COPG2: variants seen among roughly 807,000 people sequenced by gnomAD.
COPG2 encodes coatomer subunit gamma-2.
COPG2 carries 37 observed loss-of-function variants against 46.3 expected under a neutral mutation model. The observed-to-expected ratio is 0.80, with a 90% CI of 0.61 to 1.05. The LOEUF is 1.05. Ranked by LOEUF, COPG2 falls within the 50% of genes least tolerant of loss-of-function variation. The pLI is 0.00. For synonymous variants in COPG2, 159 were observed against 129.7 expected, an observed-to-expected ratio of 1.23 and a Z score of -1.53; for missense variants, 427 against 387.8, an observed-to-expected ratio of 1.10 and a Z score of -0.85.
intron 3 of COPG2, among the ~76,000 whole-genome samples, chr7:130,663,646 T>C (rs977064504): frequency 6.6e-5 from 10 of 151,782 alleles, no homozygotes; most frequent in African/African-American, 2.4e-4. Flanking sequence ...TTAATGAGCA[T>C]GACAATTCAT....
intron 5 of COPG2, among the ~76,000 whole-genome samples, chr7:130,643,906 T>C (rs782688827): frequency 6.6e-6 from 1 of 152,044 alleles, no homozygotes; most frequent in Admixed American, 6.5e-5. Context: ...AAGTTGGAGG[T>C]TGCAGTGATC....
chr7:130,546,314 CAGCCAGCTTAATTACT>C (rs1360295741), intron 20 of COPG2, among the ~76,000 whole-genome samples: 1 of 152,176 alleles, frequency 6.6e-6, no homozygotes, highest in East Asian at 1.9e-4. Flanking sequence ...CTTAAGAGTA[CAGCCAGCTTAATTACT>C]GGCTAGTGGA....
At chr7:130,629,904 GTTTC>G (rs1230642513) in intron 5 of COPG2, among the ~76,000 whole-genome samples, 1 of 148,120 alleles carries the variant, frequency 6.8e-6, no homozygotes, top group Non-Finnish European at 1.5e-5. Context: ...CTAGCATTTT[GTTTC>G]TTTCTTTCCT....
At chr7:130,651,500 T>C (rs1554459079) in intron 5 of COPG2, among the ~76,000 whole-genome samples, 2 of 43,906 alleles carry the variant, frequency 4.6e-5, no homozygotes, top group African/African-American at 1.1e-4. Context: ...TTGTATTTTT[T>C]TTTTTTTTTT....
intron 11 of COPG2, among the ~76,000 whole-genome samples, chr7:130,562,045 T>C (rs1035730865): frequency 8.5e-5 from 13 of 152,184 alleles, no homozygotes; most frequent in Non-Finnish European, 1.6e-4. Context: ...TGAGGGATTG[T>C]AGACCTGTAT....
intron 20 of COPG2, among the ~76,000 whole-genome samples, chr7:130,528,923 T>C (rs1172390891): frequency 1.3e-5 from 2 of 151,530 alleles, no homozygotes; most frequent in African/African-American, 4.9e-5. Context: ...TGACAAAGCA[T>C]AGTGTGGGTA....
intron 23 of COPG2, 91 bp downstream of exon 23, chr7:130,507,183 T>C (rs1332053942): frequency 5.4e-6 from 4 of 742,862 alleles, no homozygotes; most frequent in East Asian, 2.5e-5. Context: ...AATGGGATGA[T>C]GGGACAACAG....
At chr7:130,564,039 T>G (rs1310566335) in intron 10 of COPG2, among the ~76,000 whole-genome samples, 2 of 151,970 alleles carry the variant, frequency 1.3e-5, no homozygotes, top group Non-Finnish European at 2.9e-5. Flanking sequence ...TAAATAAAAT[T>G]CTTTCAAAAG....
intron 20 of COPG2, among the ~76,000 whole-genome samples, chr7:130,543,695 G>A (rs1185196440): frequency 1.3e-5 from 2 of 152,150 alleles, no homozygotes; most frequent in African/African-American, 2.4e-5. Context: ...AAGACTGGGC[G>A]TTACCAATAG....
At chr7:130,608,137 G>T in intron 9 of COPG2, 1 of 386,320 alleles carries the variant, frequency 2.6e-6, no homozygotes. Flanking sequence ...TTTTTTGTTA[G>T]TTATAATATT....
intron 9 of COPG2, among the ~76,000 whole-genome samples, chr7:130,606,941 C>T (rs1191461187): frequency 6.6e-6 from 1 of 152,016 alleles, no homozygotes; most frequent in Non-Finnish European, 1.5e-5. Context: ...AACTATTTTC[C>T]ATTAAAGTCA....
chr7:130,566,474 C>T (rs1238493588), intron 9 of COPG2, among the ~76,000 whole-genome samples: 15 of 152,282 alleles, frequency 9.9e-5, no homozygotes, highest in East Asian at 1.9e-4. Flanking sequence ...AATACGAACC[C>T]GAAGGAATAT....
intron 1 of COPG2, 71 bp from the exon 2 acceptor site, chr7:130,667,605 A>C (rs1796114408): frequency 8.0e-7 from 1 of 1,257,126 alleles, no homozygotes; most frequent in African/African-American, 1.5e-5. Context: ...TTTCCAGAGA[A>C]GGGTACTGAA....
In COPG2 at chr7:130,506,694, G is replaced by A. The variant is rs782278489; in HGVS notation, c.2598C>T (p.Ile866=). ...TAAGCATTTATCCAACAGAAGCTAA[G>A]ATAACATCTACAGGTGTTCTCTCTT... ...RSKERTPVDV[I]LASVG is the part of the protein sequence containing the mutation. The change falls in exon 24 of 24, where the codon ATC becomes ATT. Residue 866 remains isoleucine (I), a synonymous_variant. Transcript: ENST00000425248. The A allele has an allele frequency of 2.3e-5, 18 of 779,856 alleles. No individual in the cohort carries two copies. In the South Asian group the frequency reaches 2.4e-4, roughly 10 times the overall value. 48.3% of individuals were successfully genotyped at this position (779,856 alleles called of 1,614,324 possible).
chr7:130,551,875 A>G (rs1295420615), intron 15 of COPG2, among the ~76,000 whole-genome samples: 5 of 152,252 alleles, frequency 3.3e-5, no homozygotes, highest in Non-Finnish European at 7.3e-5. Context: ...AAGACAATGA[A>G]AAACTATTAT....
chr7:130,574,453 T>G (rs1322992757), intron 9 of COPG2, among the ~76,000 whole-genome samples: 1 of 152,084 alleles, frequency 6.6e-6, no homozygotes, highest in Non-Finnish European at 1.5e-5. Flanking sequence ...CAACAATCAC[T>G]GCAGTTTGGC....
intron 9 of COPG2, among the ~76,000 whole-genome samples, chr7:130,586,172 C>T (rs1554447951): frequency 6.6e-6 from 1 of 152,018 alleles, no homozygotes. Context: ...TCACAACAAC[C>T]TGGATGAGAT....
At chr7:130,511,673 G>C (rs1554441029) in intron 20 of COPG2, 1 of 513,300 alleles carries the variant, frequency 1.9e-6, no homozygotes, top group Non-Finnish European at 3.9e-6. Context: ...ATAAGAGACT[G>C]GAAGCAAAGG....
At chr7:130,667,452 G>A (rs1177179890) in intron 2 of COPG2, 30 bp downstream of exon 2, 4 of 1,598,356 alleles carry the variant, frequency 2.5e-6, no homozygotes, top group Non-Finnish European at 3.4e-6. Context: ...GAATAGAAAA[G>A]AAAGGGCACA....
Sources: allele counts gnomAD v4.1 joint callset (sites outside exome capture counted in the v4.1 genomes callset), GRCh38; gene constraint gnomAD v4.1.1; transcripts MANE v1.5; gene names NCBI Gene and HGNC (gene_info 2026-07-23, HGNC 2026-07-21).